Variants in ELP4 observed in about 807,000 individuals in gnomAD.
The protein encoded by ELP4 is elongator complex protein 4.
A neutral mutation model predicts 48.9 loss-of-function variants in ELP4; 51 were observed. That is an observed-to-expected ratio of 1.04 (90% confidence interval 0.83 to 1.32). The LOEUF is 1.32. ELP4 is among the 40% of genes most tolerant of loss of function. The pLI, the probability that ELP4 is intolerant of heterozygous loss-of-function variation, is 0.00. For synonymous variants in ELP4, 210 were observed against 189.2 expected (o/e 1.11, Z -0.90); for missense variants, 519 against 514.6 (o/e 1.01, Z -0.08).
At chr11:31,766,322 G>T (rs917292339) in intron 9 of ELP4, among the ~76,000 whole-genome samples, 2 of 152,052 alleles carry the variant, frequency 1.3e-5, no homozygotes, top group Non-Finnish European at 2.9e-5. Flanking sequence ...CCTTATTGCA[G>T]TTCTAGTTGT....
intron 9 of ELP4, among the ~76,000 whole-genome samples, chr11:31,672,368 T>C (rs776670590): frequency 6.6e-6 from 1 of 152,212 alleles, no homozygotes; most frequent in Non-Finnish European, 1.5e-5. Flanking sequence ...CATTTAGGAC[T>C]TAGAAGTCTT....
intron 1 of ELP4, among the ~76,000 whole-genome samples, chr11:31,515,001 ATGTGTGTGTGTG>A (rs753678395): frequency 7.6e-4 from 100 of 131,972 alleles, no homozygotes; most frequent in Non-Finnish European, 1.1e-3. Flanking sequence ...TGCTGTATGC[ATGTGTGTGTGTG>A]TGTGTGTGTG....
chr11:31,567,258 A>G (rs982748994), intron 3 of ELP4, among the ~76,000 whole-genome samples: 4 of 152,130 alleles, frequency 2.6e-5, no homozygotes, highest in African/African-American at 9.7e-5. Flanking sequence ...AGGTGATGCA[A>G]TATTGTACCC....
chr11:31,636,578 T>G (rs1222758114), intron 7 of ELP4, among the ~76,000 whole-genome samples: 1 of 151,932 alleles, frequency 6.6e-6, no homozygotes, highest in East Asian at 1.9e-4. Flanking sequence ...TTAAGGAAAT[T>G]GCAAAGAGAG....
chr11:31,576,189 A>G (rs1380956572), intron 3 of ELP4, among the ~76,000 whole-genome samples: 1 of 152,250 alleles, frequency 6.6e-6, no homozygotes, highest in Non-Finnish European at 1.5e-5. Context: ...CAGAAGAGAC[A>G]AAGAAGGCCA....
intron 9 of ELP4, chr11:31,763,578 G>T: frequency 6.4e-7 from 1 of 1,553,826 alleles, no homozygotes; most frequent in Non-Finnish European, 8.7e-7. Context: ...TTCAGCTAAA[G>T]CTTCTACTGA....
chr11:31,613,158 AG>A (rs931154423), intron 5 of ELP4, among the ~76,000 whole-genome samples: 12 of 152,306 alleles, frequency 7.9e-5, no homozygotes, highest in Non-Finnish European at 1.5e-4. Flanking sequence ...ATAAGAGATC[AG>A]GGGTGGTTAC....
chr11:31,515,000 CAT>C (rs1491171517), intron 1 of ELP4, among the ~76,000 whole-genome samples: 190 of 107,698 alleles, frequency 1.8e-3, no homozygotes, highest in African/African-American at 6.5e-3. Flanking sequence ...CTGCTGTATG[CAT>C]GTGTGTGTGT....
intron 9 of ELP4, chr11:31,689,039 C>T (rs907963432): frequency 3.3e-5 from 5 of 152,182 alleles, no homozygotes; most frequent in African/African-American, 1.2e-4. Context: ...GCACAGGGTT[C>T]GCTTTAATTC....
At chr11:31,750,486 G>C (rs1947696734) in intron 9 of ELP4, among the ~76,000 whole-genome samples, 2 of 151,924 alleles carry the variant, frequency 1.3e-5, no homozygotes, top group African/African-American at 4.8e-5. Flanking sequence ...AGGCTACCTG[G>C]GATGCAGTCA....
intron 3 of ELP4, among the ~76,000 whole-genome samples, chr11:31,592,810 C>T (rs1957605509): frequency 6.6e-6 from 1 of 151,926 alleles, no homozygotes; most frequent in African/African-American, 2.4e-5. Context: ...TTTATAGTCT[C>T]ATCTTGTTTA....
At chr11:31,752,471 T>G (rs1182716731) in intron 9 of ELP4, among the ~76,000 whole-genome samples, 1 of 152,164 alleles carries the variant, frequency 6.6e-6, no homozygotes, top group African/African-American at 2.4e-5. Context: ...TCTCTCAGGG[T>G]CTATTTTGCA....
chr11:31,701,199 G>T (rs1279312684), intron 9 of ELP4, among the ~76,000 whole-genome samples: 1 of 151,996 alleles, frequency 6.6e-6, no homozygotes, highest in Non-Finnish European at 1.5e-5. Context: ...TGCTCAAGCA[G>T]TTTCTTTTCC....
chr11:31,771,067 C>T (rs979921787), intron 9 of ELP4, among the ~76,000 whole-genome samples: 2 of 152,136 alleles, frequency 1.3e-5, no homozygotes, highest in Admixed American at 6.5e-5. Flanking sequence ...AAGAATTAAA[C>T]TCAGCAAACC....
rs574943290 is a variant in ELP4 at position 31,790,074 on chromosome 11, T to C, written c.*6550T>C. ...AGATATTCCCTTTGAGAAACAGACA[T>C]GGAATACAAATTTATAGGTTTACAA... On this transcript the variant is annotated 3_prime_UTR_variant, in exon 10 of 10. Coordinates refer to ENST00000640961, the MANE Select transcript of ELP4 (RefSeq NM_019040.5). 4.6e-5 allele frequency: 22 copies of C among 481,776 alleles called. No homozygotes were observed. The South Asian group carries it at 5.2e-4, about 11-fold the overall frequency. The allele number at this position is 481,776 out of a possible 1,614,324, so 29.8% of individuals were successfully genotyped here. A position where few individuals can be genotyped will look rare whatever the true frequency, so the allele number is the denominator to read the frequency against.
intron 3 of ELP4, among the ~76,000 whole-genome samples, chr11:31,580,180 A>G (rs1197965054): frequency 6.6e-6 from 1 of 152,188 alleles, no homozygotes; most frequent in Non-Finnish European, 1.5e-5. Context: ...AAATACAGAT[A>G]TTCCAAATGA....
rs556497230 is a variant in ELP4 at position 31,697,863 on chromosome 11, T to C, written c.1143+47642T>C. 3.3e-5 allele frequency among the ~76,000 whole-genome samples: 5 copies of C among 152,230 alleles called. No homozygotes were observed. In the South Asian group the frequency reaches 1.0e-3, roughly 32 times the overall value. On this transcript the variant is annotated intron_variant, in intron 9 of 9. Transcript: ENST00000640961. ...GGATGTAAGAGATGAAGAAGAGAAT[T>C]GTCTCATTCATTTTTTCAGAAAGTT...
intron 3 of ELP4, among the ~76,000 whole-genome samples, chr11:31,551,171 A>G (rs960140243): frequency 1.3e-5 from 2 of 152,154 alleles, no homozygotes; most frequent in Non-Finnish European, 2.9e-5. Context: ...AGCTGAACCA[A>G]TTGAAATGTC....
chr11:31,775,055 G>A (rs991496176), intron 9 of ELP4, among the ~76,000 whole-genome samples: 2 of 152,214 alleles, frequency 1.3e-5, no homozygotes, highest in Non-Finnish European at 2.9e-5. Flanking sequence ...CAGCAAGTGG[G>A]AAGAGGGAAG....
Sources: gnomAD v4.1 joint callset for allele counts (sites outside exome capture counted in the v4.1 genomes callset) on GRCh38, gnomAD v4.1.1 for gene constraint, MANE v1.5 for transcripts, NCBI Gene and HGNC (gene_info 2026-07-23, HGNC 2026-07-21) for gene names.